The following PPP2R2B variants were observed in gnomAD, a reference collection of about 807,000 sequenced individuals.
PPP2R2B encodes protein phosphatase 2 regulatory subunit Bbeta.
In PPP2R2B, 5 loss-of-function variants were observed where a neutral mutation model predicts 46.0. The observed-to-expected ratio is 0.11, with a 90% CI of 0.06 to 0.23. The LOEUF (loss-of-function observed/expected upper bound fraction) is 0.23, where lower values mean the gene tolerates loss of function less well. Among genes scored for constraint, PPP2R2B ranks in the 10% least tolerant of loss-of-function variants. The pLI, the probability that PPP2R2B is intolerant of heterozygous loss-of-function variation, is 1.00. For synonymous variants in PPP2R2B, 215 were observed against 206.7 expected, an observed-to-expected ratio of 1.04 and a Z score of -0.34; for missense variants, 367 against 575.0, an observed-to-expected ratio of 0.64 and a Z score of 3.70.
rs771135980 is a variant in PPP2R2B at position 146,676,797 on chromosome 5, G to T, written c.447+14331C>A. ...AATCATAGTACCTGGCTTACAGTAG[G>T]GACTTAATAAGTGCTTGTGGAATTA... On this transcript the variant is annotated intron_variant, in intron 5 of 9. Coordinates refer to ENST00000394411, the MANE Select transcript of PPP2R2B (RefSeq NM_181675.4). Among the ~76,000 whole-genome samples, 58 of 152,118 alleles carry T rather than the reference G, an allele frequency of 3.8e-4. 1 individual carries two copies. The highest frequency in any genetic ancestry group is 2.5e-4 in the Non-Finnish European group (17 of 68,036).
intron 2 of PPP2R2B, among the ~76,000 whole-genome samples, chr5:146,766,822 G>A (rs1044257279): frequency 3.3e-5 from 5 of 152,070 alleles, no homozygotes; most frequent in Non-Finnish European, 7.4e-5. Context: ...GGGAGGCCAA[G>A]GCGGGAGAAT....
chr5:146,634,527 G>A (rs1774668231), intron 7 of PPP2R2B, among the ~76,000 whole-genome samples: 1 of 151,980 alleles, frequency 6.6e-6, no homozygotes. Context: ...TAGAGACGGG[G>A]TTTCACCATG....
At chr5:146,819,564 A>G (rs184601256) in intron 2 of PPP2R2B, among the ~76,000 whole-genome samples, 2 of 152,370 alleles carry the variant, frequency 1.3e-5, no homozygotes, top group East Asian at 1.9e-4. Context: ...TGTACTATTT[A>G]AAAACTAGCT....
intron 2 of PPP2R2B, among the ~76,000 whole-genome samples, chr5:146,812,759 G>C (rs1173773418): frequency 2.8e-4 from 13 of 47,072 alleles, no homozygotes; most frequent in Admixed American, 8.5e-4. Context: ...GCTATCACTA[G>C]AGTTACTTAA....
intron 2 of PPP2R2B, among the ~76,000 whole-genome samples, chr5:146,732,970 T>G (rs936344686): frequency 6.6e-6 from 1 of 152,216 alleles, no homozygotes; most frequent in Non-Finnish European, 1.5e-5. Flanking sequence ...TTGAAAACAA[T>G]GCTATCTATT....
intron 1 of PPP2R2B, among the ~76,000 whole-genome samples, chr5:146,896,778 G>T (rs1044036579): frequency 6.6e-6 from 1 of 151,836 alleles, no homozygotes; most frequent in Non-Finnish European, 1.5e-5. Context: ...AGATTTAAAG[G>T]CGTTAGTGGG....
chr5:146,858,960 G>A (rs1477514450), intron 2 of PPP2R2B, among the ~76,000 whole-genome samples: 1 of 152,154 alleles, frequency 6.6e-6, no homozygotes, highest in East Asian at 1.9e-4. Flanking sequence ...AAAGAACCTT[G>A]TTCTAAAAAT....
In PPP2R2B at chr5:147,031,195, C is replaced by T. The variant is rs550868158; in HGVS notation, c.79+24470G>A. Among the ~76,000 whole-genome samples, 12 of 152,082 alleles carry T rather than the reference C, an allele frequency of 7.9e-5. 1 individual carries two copies. The highest frequency in any genetic ancestry group is 2.4e-4 in the African/African-American group (10 of 41,480). On this transcript the variant is annotated intron_variant, in intron 1 of 8. Coordinates refer to the PPP2R2B transcript ENST00000336640. ...GAGCTTGCAGTGAGCTGAGATCACG[C>T]CATGGCACTCCAGCCTGGGCAACAG...
chr5:146,874,780 T>C (rs1422120126), intron 2 of PPP2R2B, among the ~76,000 whole-genome samples: 1 of 152,084 alleles, frequency 6.6e-6, no homozygotes, highest in Non-Finnish European at 1.5e-5. Flanking sequence ...ATAGAGAGAT[T>C]TGAGAGATGA....
chr5:146,831,265 G>A (rs540457108), intron 2 of PPP2R2B, among the ~76,000 whole-genome samples: 161 of 152,152 alleles, frequency 1.1e-3, no homozygotes, highest in African/African-American at 3.6e-3. Context: ...GGGAGGCTGA[G>A]ACAGGTGGAT....
intron 2 of PPP2R2B, among the ~76,000 whole-genome samples, chr5:146,870,653 C>A (rs1243784641): frequency 6.6e-6 from 1 of 152,162 alleles, no homozygotes; most frequent in Non-Finnish European, 1.5e-5. Context: ...GAAACACATC[C>A]TCCCACAGGT....
chr5:146,737,518 C>G (rs1430506912), intron 2 of PPP2R2B, among the ~76,000 whole-genome samples: 4 of 152,194 alleles, frequency 2.6e-5, no homozygotes, highest in African/African-American at 9.7e-5. Flanking sequence ...TGGAAGGTTA[C>G]TTGTCAAACC....
At chr5:147,049,745 G>T (rs1209477037) in intron 1 of PPP2R2B, among the ~76,000 whole-genome samples, 1 of 152,196 alleles carries the variant, frequency 6.6e-6, no homozygotes, top group Non-Finnish European at 1.5e-5. Flanking sequence ...GTTGCTGAGG[G>T]CTGCAGTGGG....
At chr5:146,727,387 A>C (rs1028841941) in intron 2 of PPP2R2B, among the ~76,000 whole-genome samples, 28 of 152,286 alleles carry the variant, frequency 1.8e-4, no homozygotes, top group African/African-American at 6.5e-4. Context: ...ATATTTCAAT[A>C]TACATTTACA....
intron 1 of PPP2R2B, among the ~76,000 whole-genome samples, chr5:147,045,080 G>A (rs1200812166): frequency 6.6e-6 from 1 of 152,134 alleles, no homozygotes; most frequent in Non-Finnish European, 1.5e-5. Flanking sequence ...TTATAAAGCA[G>A]TTCTATTCAG....
intron 2 of PPP2R2B, among the ~76,000 whole-genome samples, chr5:146,743,849 T>C (rs967301265): frequency 6.6e-6 from 1 of 152,178 alleles, no homozygotes; most frequent in African/African-American, 2.4e-5. Context: ...TGCCAATCAA[T>C]CTGCCTCCAT....
At chr5:146,627,584 A>G (rs1376077639) in intron 7 of PPP2R2B, among the ~76,000 whole-genome samples, 1 of 152,172 alleles carries the variant, frequency 6.6e-6, no homozygotes, top group African/African-American at 2.4e-5. Context: ...ATCCTTCTGG[A>G]TTTTAGAAAA....
chr5:146,984,371 C>T (rs1405607981), intron 1 of PPP2R2B, among the ~76,000 whole-genome samples: 7 of 152,310 alleles, frequency 4.6e-5, no homozygotes, highest in African/African-American at 1.4e-4. Flanking sequence ...TTTGACTTAG[C>T]ATAATGTTCT....
chr5:146,880,571 G>C (rs185865740), upstream of PPP2R2B, among the ~76,000 whole-genome samples: 4 of 152,274 alleles, frequency 2.6e-5, no homozygotes, highest in East Asian at 7.7e-4. Flanking sequence ...CGGTTGGAAT[G>C]ATCTTAAAAT....
Sources: gnomAD v4.1 joint callset for allele counts (sites outside exome capture counted in the v4.1 genomes callset) on GRCh38, gnomAD v4.1.1 for gene constraint, MANE v1.5 for transcripts, NCBI Gene and HGNC (gene_info 2026-07-23, HGNC 2026-07-21) for gene names.